Variants in LINGO1 observed in about 807,000 individuals in gnomAD.
The protein encoded by LINGO1 is leucine-rich repeat and immunoglobulin-like domain-containing nogo receptor-interacting protein 1.
In LINGO1, 11 loss-of-function variants were observed where a neutral mutation model predicts 37.3. The ratio of observed to expected loss-of-function variants is 0.29; its 90% CI spans 0.19 to 0.49. The LOEUF is 0.49. Ranked by LOEUF, LINGO1 falls within the 20% of genes least tolerant of loss-of-function variation. The probability of loss-of-function intolerance (pLI) is 0.99; values close to 1 mark genes in which losing one functional copy is unlikely to be tolerated. For missense variants in LINGO1, 585 were observed against 878.2 expected (o/e 0.67, Z 4.22); for synonymous variants, 387 against 403.0 (o/e 0.96, Z 0.48).
intron 1 of LINGO1, among the ~76,000 whole-genome samples, chr15:77,776,268 C>T (rs1019899292): frequency 6.6e-6 from 1 of 152,096 alleles, no homozygotes; most frequent in Admixed American, 6.5e-5. Context: ...AAATGCACTG[C>T]CATAGCTGTT....
chr15:77,777,268 G>A (rs1235585941), intron 1 of LINGO1, among the ~76,000 whole-genome samples: 2 of 152,028 alleles, frequency 1.3e-5, no homozygotes, highest in Non-Finnish European at 2.9e-5. Context: ...TCATGGTGGG[G>A]GGGTCCAACC....
At chr15:77,626,191 A>G (rs954492189) in intron 1 of LINGO1, among the ~76,000 whole-genome samples, 4 of 152,052 alleles carry the variant, frequency 2.6e-5, no homozygotes, top group African/African-American at 7.2e-5. Flanking sequence ...CAGCATCCCA[A>G]CCGCGGCCAC....
In LINGO1 at chr15:77,648,200, T is replaced by C. The variant is rs1010829407; in HGVS notation, c.-13+28889A>G. 4 of 307,182 alleles carry C rather than the reference T, an allele frequency of 1.3e-5. No homozygotes were observed. In the Admixed American group the frequency reaches 1.4e-4, roughly 11 times the overall value. The allele number at this position is 307,182 out of a possible 1,614,324, so 19.0% of individuals were successfully genotyped here. On this transcript the variant is annotated intron_variant, in intron 3 of 3. Transcript: ENST00000559893. ...TACAATAATAATTGTAGTATTAACATACAAGTTACCATTGAAGGAGCACCG... is the reference window on the plus strand; with the variant it reads ...TACAATAATAATTGTAGTATTAACACACAAGTTACCATTGAAGGAGCACCG...
chr15:77,766,414 T>C (rs9672504), intron 1 of LINGO1, among the ~76,000 whole-genome samples: 85,642 of 149,224 alleles, frequency 0.57, 25,106 homozygotes, highest in African/African-American at 0.72. Context: ...CAAAAAAAAC[T>C]CAAAATATGG....
chr15:77,703,470 T>C (rs1202614134), intron 2 of LINGO1, among the ~76,000 whole-genome samples: 3 of 152,174 alleles, frequency 2.0e-5, no homozygotes, highest in Non-Finnish European at 4.4e-5. Flanking sequence ...ACACACTTTG[T>C]GTCTTGGAAC....
At chr15:77,651,956 T>C (rs1243556847) in intron 3 of LINGO1, 2 of 152,196 alleles carry the variant, frequency 1.3e-5, no homozygotes, top group African/African-American at 4.8e-5. Context: ...CCTTGGGACA[T>C]GTCTCAAACT....
Position 77,614,796 on chromosome 15 carries a change from G to T in LINGO1, c.1111C>A (p.Leu371Met), listed in dbSNP as rs867309209. The T allele has an allele frequency of 2.5e-6, 4 of 1,610,476 alleles. No individual in the cohort carries two copies. Among genetic ancestry groups the T allele is most frequent in the Non-Finnish European group, 3.4e-6 (4 of 1,178,388 alleles). The change falls in exon 2 of 2, where the codon CTG (leucine) becomes ATG (methionine). Residue 371 changes from leucine to methionine, a missense_variant. This residue lies in a region of LINGO1 where 484 missense variants were observed against 735.0 expected (regional missense o/e 0.66). Coordinates refer to ENST00000355300, the MANE Select transcript of LINGO1 (RefSeq NM_032808.7). ...CACAGGAGCCGACAGTCGCAGGCCAGCGGGTTGGAGTCCAGGATGAGTGTC... is the reference window on the plus strand; with the variant it reads ...CACAGGAGCCGACAGTCGCAGGCCATCGGGTTGGAGTCCAGGATGAGTGTC... ...LETLILDSNP[L>M]ACDCRLLWVF...
intron 2 of LINGO1, among the ~76,000 whole-genome samples, chr15:77,701,522 A>G (rs1474945871): frequency 6.6e-6 from 1 of 152,154 alleles, no homozygotes; most frequent in African/African-American, 2.4e-5. Context: ...TGTCGCCTCC[A>G]AATAGCATGC....
intron 1 of LINGO1, among the ~76,000 whole-genome samples, chr15:77,761,871 C>G (rs945905996): frequency 6.6e-6 from 1 of 152,220 alleles, no homozygotes; most frequent in African/African-American, 2.4e-5. Flanking sequence ...AGTCTCCATC[C>G]CTGGCATATA....
upstream of LINGO1, among the ~76,000 whole-genome samples, chr15:77,698,119 G>A (rs1190667852): frequency 6.6e-6 from 1 of 152,130 alleles, no homozygotes; most frequent in East Asian, 1.9e-4. Context: ...GGGAGAGGTG[G>A]GGTACAGCAA....
rs74708706 is a variant in LINGO1, at chr15:77,625,665, C to T, written c.6+6645G>A. On this transcript the variant is annotated intron_variant, in intron 1 of 1. Coordinates refer to ENST00000355300, the MANE Select transcript of LINGO1 (RefSeq NM_032808.7). ...AGAACTGAGGCGCCAAGAGGTGATG[C>T]ACCTTGCCTAAAGTCCCGCAGTGAT... Among the ~76,000 whole-genome samples, 901 of 152,304 alleles carry T rather than the reference C, an allele frequency of 5.9e-3. 7 individuals are homozygous for T. The highest frequency in any genetic ancestry group is 0.024 in the Middle Eastern group (7 of 294).
At chr15:77,687,610 C>T (rs1276469037) in intron 2 of LINGO1, among the ~76,000 whole-genome samples, 1 of 152,222 alleles carries the variant, frequency 6.6e-6, no homozygotes, top group Non-Finnish European at 1.5e-5. Flanking sequence ...ACCTAGCCTT[C>T]AAAAACACAG....
At chr15:77,730,757 A>G (rs1156403134) in intron 2 of LINGO1, among the ~76,000 whole-genome samples, 1 of 152,240 alleles carries the variant, frequency 6.6e-6, no homozygotes, top group Non-Finnish European at 1.5e-5. Flanking sequence ...CAGTCTCCAC[A>G]TCTGTAACAT....
At chr15:77,721,116 G>T (rs2076045522) in intron 2 of LINGO1, among the ~76,000 whole-genome samples, 1 of 152,044 alleles carries the variant, frequency 6.6e-6, no homozygotes, top group South Asian at 2.1e-4. Context: ...AGCCAAGGTC[G>T]TTTCCTCCTG....
At chr15:77,789,252 A>C (rs1256403179), upstream of LINGO1, among the ~76,000 whole-genome samples, 1 of 152,262 alleles carries the variant, frequency 6.6e-6, no homozygotes, top group Non-Finnish European at 1.5e-5. Flanking sequence ...TTAGCTAATT[A>C]GGAAGAGGTC....
intron 1 of LINGO1, among the ~76,000 whole-genome samples, chr15:77,816,030 CATTT>C (rs1372469108): frequency 6.6e-6 from 1 of 152,192 alleles, no homozygotes; most frequent in Non-Finnish European, 1.5e-5. Flanking sequence ...TCCATTCACT[CATTT>C]AGTCAACAAT....
intron 3 of LINGO1, among the ~76,000 whole-genome samples, chr15:77,647,042 G>A (rs910768658): frequency 1.3e-5 from 2 of 151,782 alleles, no homozygotes; most frequent in African/African-American, 4.8e-5. Flanking sequence ...ACGGGCCCCC[G>A]GTATTCACTC....
intron 1 of LINGO1, among the ~76,000 whole-genome samples, chr15:77,760,086 A>G (rs919074724): frequency 2.0e-5 from 3 of 151,328 alleles, no homozygotes; most frequent in African/African-American, 7.4e-5. Flanking sequence ...TCCTTAAAAG[A>G]CAGCGCGGCA....
At chr15:77,688,521 A>T (rs1250989466) in intron 2 of LINGO1, among the ~76,000 whole-genome samples, 1 of 152,276 alleles carries the variant, frequency 6.6e-6, no homozygotes, top group South Asian at 2.1e-4. Flanking sequence ...TGGGCACTGT[A>T]CTGGGGCCAC....
Sources: gnomAD v4.1 joint callset for allele counts (sites outside exome capture counted in the v4.1 genomes callset) on GRCh38, gnomAD v4.1.1 for gene constraint, gnomAD v4.1.1 regional missense constraint, MANE v1.5 for transcripts, NCBI Gene and HGNC (gene_info 2026-07-23, HGNC 2026-07-21) for gene names.